Variants in EXOC4 observed in about 807,000 individuals in gnomAD.
EXOC4 encodes exocyst complex component 4.
A neutral mutation model predicts 107.2 loss-of-function variants in EXOC4; 71 were observed. The ratio of observed to expected loss-of-function variants is 0.66; its 90% confidence interval spans 0.55 to 0.81. EXOC4 has a LOEUF of 0.81. Among genes scored for constraint, EXOC4 ranks in the 30% least tolerant of loss-of-function variants. The probability of loss-of-function intolerance (pLI) is 0.00; values close to 1 mark genes in which losing one functional copy is unlikely to be tolerated. For missense variants in EXOC4, 1,108 were observed against 1,189.6 expected, an observed-to-expected ratio of 0.93 and a Z score of 1.01; for synonymous variants, 456 against 441.2, an observed-to-expected ratio of 1.03 and a Z score of -0.42.
chr7:133,545,690 A>G (rs899334902), intron 9 of EXOC4, among the ~76,000 whole-genome samples: 19 of 152,194 alleles, frequency 1.2e-4, no homozygotes, highest in Non-Finnish European at 1.8e-4. Flanking sequence ...TAGTTTGACT[A>G]CTGTCCCAAT....
At chr7:133,599,991 C>G (rs1321193264) in intron 9 of EXOC4, among the ~76,000 whole-genome samples, 2 of 148,040 alleles carry the variant, frequency 1.4e-5, no homozygotes, top group African/African-American at 5.0e-5. Flanking sequence ...TCCTAAACCT[C>G]CTTGGCTCAG....
chr7:133,348,502 G>GC (rs1179220187), intron 5 of EXOC4, among the ~76,000 whole-genome samples: 1 of 152,174 alleles, frequency 6.6e-6, no homozygotes, highest in East Asian at 1.9e-4. Flanking sequence ...GCAGGTAGCT[G>GC]CAGTGTTCAG....
At chr7:133,379,793 T>C (rs574674640) in intron 7 of EXOC4, among the ~76,000 whole-genome samples, 76 of 152,258 alleles carry the variant, frequency 5.0e-4, no homozygotes, top group African/African-American at 1.8e-3. Flanking sequence ...CTTCCCTAAC[T>C]CTGCTTACTT....
downstream of EXOC4, among the ~76,000 whole-genome samples, chr7:134,070,778 C>T (rs1421235137): frequency 1.3e-5 from 1 of 78,204 alleles, no homozygotes; most frequent in Admixed American, 1.4e-4. Context: ...GTACAAATAA[C>T]TGGAAAAAAA....
intron 8 of EXOC4, among the ~76,000 whole-genome samples, chr7:133,476,648 T>G (rs1266434806): frequency 1.3e-5 from 2 of 152,234 alleles, no homozygotes; most frequent in Non-Finnish European, 2.9e-5. Flanking sequence ...AGAAATGAAA[T>G]CTATTCTGTT....
Position 133,937,884 on chromosome 7 carries a change from T to A in EXOC4, c.2028-7T>A. The A allele has an allele frequency of 6.2e-7, 1 of 1,614,058 alleles. No homozygotes were observed. Among genetic ancestry groups the A allele is most frequent in the Non-Finnish European group, 8.5e-7 (1 of 1,179,928 alleles). On this transcript the variant is annotated splice_region_variant and splice_polypyrimidine_tract_variant and intron_variant, in intron 13 of 17. Transcript: ENST00000253861. ...TATATGAAGTGTGTTTCTGATTTGC[T>A]TTTCAGGGCAGCTTTTGGCAAGGAG... is the stretch of plus-strand genomic sequence containing the variant.
At chr7:133,656,112 C>T (rs1262117228) in intron 10 of EXOC4, among the ~76,000 whole-genome samples, 10 of 152,058 alleles carry the variant, frequency 6.6e-5, no homozygotes, top group East Asian at 3.9e-4. Flanking sequence ...TTGACCGAAA[C>T]GTCATCCTGT....
intron 9 of EXOC4, among the ~76,000 whole-genome samples, chr7:133,559,818 C>T (rs1475059681): frequency 1.3e-5 from 2 of 152,248 alleles, no homozygotes; most frequent in Non-Finnish European, 2.9e-5. Flanking sequence ...GTTTCATCTA[C>T]TCAGAAATCA....
intron 14 of EXOC4, among the ~76,000 whole-genome samples, chr7:133,961,806 C>T (rs1800951336): frequency 6.6e-6 from 1 of 152,184 alleles, no homozygotes; most frequent in South Asian, 2.1e-4. Context: ...GAACCTAGGC[C>T]AGTGTAACTC....
chr7:133,940,266 T>G (rs139103597), intron 14 of EXOC4, among the ~76,000 whole-genome samples: 1 of 152,360 alleles, frequency 6.6e-6, no homozygotes, highest in East Asian at 1.9e-4. Flanking sequence ...AAAGATGCAT[T>G]CTGAGTTATG....
intron 9 of EXOC4, among the ~76,000 whole-genome samples, chr7:133,547,834 T>C (rs1490168467): frequency 6.6e-6 from 1 of 152,146 alleles, no homozygotes; most frequent in African/African-American, 2.4e-5. Context: ...TGAACCCCTC[T>C]GAATCATCGA....
chr7:133,735,834 C>G (rs1795432693), intron 10 of EXOC4, among the ~76,000 whole-genome samples: 1 of 152,160 alleles, frequency 6.6e-6, no homozygotes, highest in Non-Finnish European at 1.5e-5. Flanking sequence ...TCCCTGTAAT[C>G]TCAGCACCTT....
At chr7:133,543,748 A>T (rs1800426794) in intron 9 of EXOC4, among the ~76,000 whole-genome samples, 1 of 152,056 alleles carries the variant, frequency 6.6e-6, no homozygotes, top group South Asian at 2.1e-4. Context: ...ATAGCCGTCA[A>T]ATTCTTTGAG....
chr7:133,898,873 G>A (rs1799385405), intron 12 of EXOC4, among the ~76,000 whole-genome samples: 1 of 151,858 alleles, frequency 6.6e-6, no homozygotes, highest in Admixed American at 6.6e-5. Context: ...AGCTACTCGG[G>A]AGGCTGAGGC....
In EXOC4 at chr7:133,720,389, G is replaced by C. The variant is rs117537167; in HGVS notation, c.1514+90248G>C. On this transcript the variant is annotated intron_variant, in intron 10 of 17. Coordinates refer to ENST00000253861, the MANE Select transcript of EXOC4 (RefSeq NM_021807.4). ...AAGAGACTTATTTAATGAATGTTGC[G>C]TATAAACCTTCATAATTATGAGATT... is the stretch of plus-strand genomic sequence containing the variant. 2.4e-3 allele frequency among the ~76,000 whole-genome samples: 370 copies of C among 152,168 alleles called. 1 individual carries two copies. Among genetic ancestry groups the C allele is most frequent in the Middle Eastern group, 0.01 (3 of 292 alleles).
At chr7:134,027,668 A>AAAG (rs1244183620) in intron 17 of EXOC4, among the ~76,000 whole-genome samples, 253 of 151,370 alleles carry the variant, frequency 1.7e-3, no homozygotes, top group African/African-American at 5.9e-3. Context: ...AAAAAAAAAA[A>AAAG]AAAAGGAATT....
chr7:133,940,310 G>A (rs1278189211), intron 14 of EXOC4, among the ~76,000 whole-genome samples: 1 of 152,196 alleles, frequency 6.6e-6, no homozygotes, highest in Non-Finnish European at 1.5e-5. Flanking sequence ...TAGCTGTTGT[G>A]TTCATGTCAC....
intron 6 of EXOC4, among the ~76,000 whole-genome samples, chr7:133,374,067 T>C (rs895075306): frequency 1.3e-5 from 2 of 152,182 alleles, no homozygotes; most frequent in African/African-American, 2.4e-5. Context: ...TTATTTTGCA[T>C]CTATGCCATA....
intron 14 of EXOC4, among the ~76,000 whole-genome samples, chr7:133,942,456 A>G (rs1800452955): frequency 6.6e-6 from 1 of 152,142 alleles, no homozygotes; most frequent in Non-Finnish European, 1.5e-5. Flanking sequence ...TTTGGTTGCC[A>G]GAATTGGTTT....
Sources: allele counts gnomAD v4.1 joint callset (sites outside exome capture counted in the v4.1 genomes callset), GRCh38; gene constraint gnomAD v4.1.1; transcripts MANE v1.5; gene names NCBI Gene and HGNC (gene_info 2026-07-23, HGNC 2026-07-21).